The following PITPNA variants were observed in gnomAD, a reference collection of about 807,000 sequenced individuals.
PITPNA encodes the protein phosphatidylinositol transfer protein alpha, also known as phosphatidylinositol transfer protein alpha isoform.
PITPNA carries 13 observed loss-of-function variants against 50.3 expected under a neutral mutation model. The ratio of observed to expected loss-of-function variants is 0.26; its 90% CI spans 0.17 to 0.41. The LOEUF (loss-of-function observed/expected upper bound fraction) is 0.41. Among genes scored for constraint, PITPNA ranks in the 10% least tolerant of loss-of-function variants. The pLI is 1.00. For synonymous variants in PITPNA, 120 were observed against 119.6 expected (o/e 1.00, Z -0.02); for missense variants, 207 against 333.4 (o/e 0.62, Z 2.95).
At chr17:1,546,760 A>G (rs2075676660) in intron 4 of PITPNA, among the ~76,000 whole-genome samples, 1 of 152,218 alleles carries the variant, frequency 6.6e-6, no homozygotes, top group Non-Finnish European at 1.5e-5. Context: ...AAACCTAGGA[A>G]TCTTGGAAGG....
chr17:1,539,233 C>T (rs931800593), intron 6 of PITPNA, among the ~76,000 whole-genome samples: 7 of 151,060 alleles, frequency 4.6e-5, no homozygotes, highest in African/African-American at 1.7e-4. Flanking sequence ...GATCCTCCTG[C>T]CTCAGGCTCC....
At chr17:1,542,917 T>C in intron 5 of PITPNA, 103 bp downstream of exon 5, 1 of 866,772 alleles carries the variant, frequency 1.2e-6, no homozygotes, top group African/African-American at 1.7e-5. Context: ...ACTCCAAACA[T>C]CAGCCAAGGG....
Position 1,562,699 on chromosome 17 carries a change from C to A in PITPNA, c.-139G>T. 2.3e-6 allele frequency: 1 copy of A among 437,862 alleles called. No homozygotes were observed. The highest frequency in any genetic ancestry group is 9.1e-5 in the South Asian group (1 of 10,956). 27.1% of individuals were successfully genotyped at this position (437,862 alleles called of 1,614,324 possible). On this transcript the variant is annotated 5_prime_UTR_variant, in exon 1 of 12. Coordinates refer to ENST00000313486, the MANE Select transcript of PITPNA (RefSeq NM_006224.4). This position sits in a 1 kb window ranked among gnomAD's most constrained non-coding sequence, Gnocchi z 6.4. ...CTCTGCTCCGTCCCCGCCGCCCTCG[C>A]CGCGGTCGCCGCGCCGGCTCCTGCC...
intron 10 of PITPNA, among the ~76,000 whole-genome samples, chr17:1,523,595 C>A (rs903823725): frequency 6.7e-6 from 1 of 149,070 alleles, no homozygotes; most frequent in Non-Finnish European, 1.5e-5. Context: ...GCAATCTCTG[C>A]CTCCCGGGTT....
intron 10 of PITPNA, among the ~76,000 whole-genome samples, chr17:1,530,490 G>A (rs923851382): frequency 2.6e-5 from 4 of 152,178 alleles, no homozygotes; most frequent in African/African-American, 7.2e-5. Flanking sequence ...TGGTGGGTCC[G>A]CCCGGACAGG....
At chr17:1,533,707 GCTGTCCT>G (rs1438867133) in intron 10 of PITPNA, among the ~76,000 whole-genome samples, 1 of 152,188 alleles carries the variant, frequency 6.6e-6, no homozygotes. Flanking sequence ...GTGCGCTGTG[GCTGTCCT>G]CTGTGGGTAA....
intron 2 of PITPNA, among the ~76,000 whole-genome samples, chr17:1,553,412 AT>A (rs1031012647): frequency 6.6e-6 from 1 of 151,624 alleles, no homozygotes; most frequent in Non-Finnish European, 1.5e-5. Context: ...TTATTTATTT[AT>A]TTTTTTTGGT....
intron 1 of PITPNA, chr17:1,559,884 G>A (rs2075759399): frequency 1.3e-5 from 7 of 522,174 alleles, no homozygotes; most frequent in Non-Finnish European, 1.5e-5. Flanking sequence ...TTTACTGAAT[G>A]CTGCCAGTGA....
chr17:1,533,293 G>A (rs538397725), intron 10 of PITPNA, among the ~76,000 whole-genome samples: 25 of 151,958 alleles, frequency 1.6e-4, no homozygotes, highest in Admixed American at 1.5e-3. Context: ...GGGCCAGAGA[G>A]TCCTGGGCTC....
intron 2 of PITPNA, among the ~76,000 whole-genome samples, chr17:1,558,110 A>C (rs571953255): frequency 6.1e-4 from 92 of 152,044 alleles, no homozygotes; most frequent in African/African-American, 2.0e-3. Flanking sequence ...ACACACCTGT[A>C]ATCCCGGCTA....
chr17:1,555,170 G>T (rs912390773), intron 2 of PITPNA, among the ~76,000 whole-genome samples: 1 of 152,198 alleles, frequency 6.6e-6, no homozygotes, highest in African/African-American at 2.4e-5. Context: ...ACTTGGGAAG[G>T]GGGACCCCAG....
intron 11 of PITPNA, 43 bp from the exon 12 acceptor site, chr17:1,520,581 CAG>C (rs1206764919): frequency 1.3e-5 from 2 of 150,118 alleles, no homozygotes; most frequent in Middle Eastern, 3.4e-3. Context: ...GAGGAGAAAA[CAG>C]AAACACTGTA....
rs2075668832 is a variant in PITPNA, at chr17:1,545,541, G to GA, written c.290-2515dup. On this transcript the variant is annotated intron_variant, in intron 4 of 11. Transcript: ENST00000313486. The stretch of plus-strand genomic sequence containing the variant: ...GAATAGGAGGTCAGCACCCACTGAG[G>GA]AAACCAACCTTCCTTCCCCTACTCC... Among the ~76,000 whole-genome samples the GA allele has an allele frequency of 2.6e-5, 4 of 152,310 alleles. No homozygotes were observed. In the South Asian group the frequency reaches 8.3e-4, roughly 32 times the overall value.
At chr17:1,551,485 G>A (rs1232464522) in intron 3 of PITPNA, among the ~76,000 whole-genome samples, 2 of 151,906 alleles carry the variant, frequency 1.3e-5, no homozygotes, top group African/African-American at 4.8e-5. Flanking sequence ...TAGAGATGGA[G>A]TCTCGCTATG....
chr17:1,556,712 G>A (rs1324508761), intron 2 of PITPNA, among the ~76,000 whole-genome samples: 5 of 152,182 alleles, frequency 3.3e-5, no homozygotes. Flanking sequence ...GGACGTCACT[G>A]GACACCTCCC....
chr17:1,553,566 G>A (rs555044854), intron 2 of PITPNA, among the ~76,000 whole-genome samples: 1 of 152,088 alleles, frequency 6.6e-6, no homozygotes, highest in Non-Finnish European at 1.5e-5. Context: ...TAAAGAGGCA[G>A]GTGAGTCTAC....
intron 1 of PITPNA, chr17:1,559,452 A>ACC (rs1459464955): frequency 1.3e-5 from 2 of 152,128 alleles, no homozygotes; most frequent in Non-Finnish European, 2.9e-5. Context: ...ACCAAGAGCC[A>ACC]CCCCCAGTTC....
intron 3 of PITPNA, among the ~76,000 whole-genome samples, chr17:1,551,093 C>G (rs936293484): frequency 3.5e-5 from 5 of 144,108 alleles, no homozygotes; most frequent in African/African-American, 1.2e-4. Flanking sequence ...TGATGGGACA[C>G]GAAGGGCGAG....
At chr17:1,561,546 G>C (rs1483059772) in intron 1 of PITPNA, among the ~76,000 whole-genome samples, 1 of 151,906 alleles carries the variant, frequency 6.6e-6, no homozygotes, top group Non-Finnish European at 1.5e-5. Context: ...TCTCTTTCCG[G>C]ACCAGCCTCG....
Sources: gnomAD v4.1 joint callset for allele counts (sites outside exome capture counted in the v4.1 genomes callset) on GRCh38, gnomAD v4.1.1 for gene constraint, Gnocchi (gnomAD v3.1) non-coding constraint, MANE v1.5 for transcripts, NCBI Gene and HGNC (gene_info 2026-07-23, HGNC 2026-07-21) for gene names.